TATDN1: variants seen among roughly 807,000 people sequenced by gnomAD.
The protein encoded by TATDN1 is TatD DNase domain containing 1, also known as deoxyribonuclease TATDN1.
In TATDN1, 40 loss-of-function variants were observed where a neutral mutation model predicts 46.4. The observed-to-expected ratio is 0.86, with a 90% CI of 0.67 to 1.12. The LOEUF is 1.12. Ranked by LOEUF, TATDN1 falls within the 50% of genes most tolerant of loss-of-function variation. TATDN1 has a pLI of 0.00. For missense variants in TATDN1, 326 were observed against 348.4 expected (o/e 0.94, Z 0.51); for synonymous variants, 95 against 105.6 (o/e 0.90, Z 0.62).
chr8:124,520,860 G>A (rs941693642), intron 3 of TATDN1, among the ~76,000 whole-genome samples: 4 of 149,236 alleles, frequency 2.7e-5, no homozygotes, highest in Non-Finnish European at 6.0e-5. Flanking sequence ...GGAGAATGGC[G>A]TGAACCCGGG....
intron 3 of TATDN1, 61 bp from the exon 4 acceptor site, chr8:124,518,942 A>C (rs1819795835): frequency 9.2e-7 from 1 of 1,092,002 alleles, no homozygotes; most frequent in African/African-American, 1.6e-5. Context: ...CAGTTTCCTA[A>C]ACATGCCTTC....
chr8:124,498,744 G>A (rs772745700), intron 9 of TATDN1, among the ~76,000 whole-genome samples: 4 of 152,032 alleles, frequency 2.6e-5, no homozygotes, highest in South Asian at 4.2e-4. Context: ...TCTGCCTCCC[G>A]GGTTCACACA....
intron 1 of TATDN1, among the ~76,000 whole-genome samples, chr8:124,525,539 T>G (rs1165986516): frequency 6.6e-6 from 1 of 152,208 alleles, no homozygotes; most frequent in Admixed American, 6.5e-5. Flanking sequence ...GCCTCAGTTT[T>G]CTCACTAGTA....
chr8:124,502,973 G>A (rs919678146), intron 9 of TATDN1, among the ~76,000 whole-genome samples: 3 of 152,122 alleles, frequency 2.0e-5, no homozygotes, highest in Non-Finnish European at 4.4e-5. Flanking sequence ...CTGCATTCCA[G>A]CTTGGGCTAC....
intron 6 of TATDN1, among the ~76,000 whole-genome samples, chr8:124,511,728 T>G (rs1456761664): frequency 6.6e-6 from 1 of 152,074 alleles, no homozygotes; most frequent in African/African-American, 2.4e-5. Flanking sequence ...AAAAAAAAAC[T>G]TTTAAAAGTT....
At chr8:124,538,381 G>A (rs1563700317) in intron 1 of TATDN1, 1 of 153,152 alleles carries the variant, frequency 6.5e-6, no homozygotes, top group Non-Finnish European at 1.5e-5. Context: ...TCAGGTAGCT[G>A]GAAACCCCAC....
chr8:124,495,436 GT>G (rs1817380470), intron 10 of TATDN1, 35 bp downstream of exon 10: 2 of 1,521,052 alleles, frequency 1.3e-6, no homozygotes, highest in Admixed American at 1.9e-5. Context: ...GTTTGGTATG[GT>G]TTAATATGAA....
At chr8:124,495,126 T>G (rs969006725) in intron 10 of TATDN1, 1 of 295,372 alleles carries the variant, frequency 3.4e-6, no homozygotes, top group African/African-American at 2.3e-5. Flanking sequence ...ATAAAGACAC[T>G]GTGTAAACAA....
At chr8:124,528,204 C>T (rs1820665165) in intron 1 of TATDN1, among the ~76,000 whole-genome samples, 2 of 151,750 alleles carry the variant, frequency 1.3e-5, no homozygotes, top group Admixed American at 6.6e-5. Flanking sequence ...GATGGAGTCT[C>T]GCTCTGTCAC....
chr8:124,538,961 C>A (rs371178138), intron 1 of TATDN1, 64 bp downstream of exon 1: 77 of 1,605,132 alleles, frequency 4.8e-5, no homozygotes, highest in Non-Finnish European at 6.5e-5. Flanking sequence ...GGTCCTGTGA[C>A]CTTGGTGACC....
intron 4 of TATDN1, among the ~76,000 whole-genome samples, chr8:124,517,778 C>T (rs762334671): frequency 6.6e-6 from 1 of 152,010 alleles, no homozygotes; most frequent in Non-Finnish European, 1.5e-5. Context: ...ATTTGCATTC[C>T]TGGTACCTTG....
chr8:124,513,229 C>A (rs1260220018), intron 6 of TATDN1, among the ~76,000 whole-genome samples: 1 of 151,952 alleles, frequency 6.6e-6, no homozygotes, highest in Non-Finnish European at 1.5e-5. Flanking sequence ...TTAACCAAGT[C>A]ATTTGATGTT....
chr8:124,488,823 T>TTAAG (rs35849960), intron 11 of TATDN1, 127 bp from the exon 12 acceptor site: 54,008 of 647,326 alleles, frequency 0.083, 2,698 homozygotes, highest in East Asian at 0.18. Flanking sequence ...TTAACAGTTA[T>TTAAG]TAAGTTTTTC....
chr8:124,493,204 A>G (rs1469984692), intron 11 of TATDN1, among the ~76,000 whole-genome samples: 1 of 152,216 alleles, frequency 6.6e-6, no homozygotes. Context: ...TGAATGTGTT[A>G]TAAGTATGCC....
intron 1 of TATDN1, among the ~76,000 whole-genome samples, chr8:124,528,309 G>C (rs1480835561): frequency 6.6e-6 from 1 of 152,144 alleles, no homozygotes; most frequent in African/African-American, 2.4e-5. Flanking sequence ...AAGTAGCTGA[G>C]ACTACAGGCG....
chr8:124,522,080 G>A, intron 3 of TATDN1, 71 bp downstream of exon 3: 1 of 1,085,120 alleles, frequency 9.2e-7, no homozygotes, highest in Non-Finnish European at 1.4e-6. Context: ...TTTCTATTCT[G>A]CAAAATTTTA....
At position 124,515,909 on chromosome 8, in the gene TATDN1, C is replaced by T. The variant is rs1244085144; in HGVS notation, c.324G>A (p.Val108=). 2 of 1,614,058 alleles carry T rather than the reference C, an allele frequency of 1.2e-6. No homozygotes were observed. Among genetic ancestry groups the T allele is most frequent in the East Asian group, 4.5e-5 (2 of 44,856 alleles). Residue 108 remains valine (V), a synonymous_variant, in exon 5 of 12, where the codon GTG becomes GTA. Coordinates refer to ENST00000276692, the MANE Select transcript of TATDN1 (RefSeq NM_032026.4). ...CACCAAGTCCGCATTCTCCTATTGCCACAACTTTCCCTTTATTGTTTTCAG... is the reference window on the plus strand; with the variant it reads ...CACCAAGTCCGCATTCTCCTATTGCTACAACTTTCCCTTTATTGTTTTCAG... ...NLAENNKGKV[V]AIGECGLDFD...
chr8:124,517,997 G>A (rs1337997523), intron 4 of TATDN1, among the ~76,000 whole-genome samples: 1 of 151,732 alleles, frequency 6.6e-6, no homozygotes, highest in Non-Finnish European at 1.5e-5. Context: ...GGATCACGAG[G>A]TCAGGAGATC....
Position 124,517,369 on chromosome 8 carries a change from C to T in TATDN1, c.203-1339G>A, listed in dbSNP as rs573496438. 4.2e-3 allele frequency among the ~76,000 whole-genome samples: 629 copies of T among 148,498 alleles called. 3 individuals are homozygous for T. Among genetic ancestry groups the T allele is most frequent in the Non-Finnish European group, 7.0e-3 (474 of 67,474 alleles). The stretch of plus-strand genomic sequence containing the variant: ...CTTGTACCCAGGAGGCAGAGGTTGC[C>T]GTGAGCCGAGATCGTGCCATTGCAC... On this transcript the variant is annotated intron_variant, in intron 4 of 11. Transcript: ENST00000276692.
Sources: gnomAD v4.1 joint callset for allele counts (sites outside exome capture counted in the v4.1 genomes callset) on GRCh38, gnomAD v4.1.1 for gene constraint, MANE v1.5 for transcripts, NCBI Gene and HGNC (gene_info 2026-07-23, HGNC 2026-07-21) for gene names.